SEMA5B: variants seen among roughly 807,000 people sequenced by gnomAD.
The protein encoded by SEMA5B is semaphorin 5B.
In SEMA5B, 66 loss-of-function variants were observed where a neutral mutation model predicts 135.0. The observed-to-expected ratio is 0.49, with a 90% CI of 0.40 to 0.60. The LOEUF (loss-of-function observed/expected upper bound fraction) is 0.60, where lower values mean the gene tolerates loss of function less well. Among genes scored for constraint, SEMA5B ranks in the 20% least tolerant of loss-of-function variants. SEMA5B has a pLI of 0.00. For missense variants in SEMA5B, 1,501 were observed against 1,566.3 expected, an observed-to-expected ratio of 0.96 and a Z score of 0.70; for synonymous variants, 690 against 639.5, an observed-to-expected ratio of 1.08 and a Z score of -1.19.
At chr3:123,015,217 G>A (rs1336745010) in intron 1 of SEMA5B, among the ~76,000 whole-genome samples, 1 of 152,184 alleles carries the variant, frequency 6.6e-6, no homozygotes, top group African/African-American at 2.4e-5. Context: ...AAGCCCCTCA[G>A]TGTGGGGTGT....
At chr3:122,966,116 CCCT>C (rs1345384315) in intron 1 of SEMA5B, among the ~76,000 whole-genome samples, 2 of 152,224 alleles carry the variant, frequency 1.3e-5, no homozygotes, top group Non-Finnish European at 1.5e-5. Flanking sequence ...TTTAGAAGTT[CCCT>C]CCTCCTCCCC....
At chr3:122,970,553 A>G (rs1262557545) in intron 1 of SEMA5B, among the ~76,000 whole-genome samples, 1 of 152,212 alleles carries the variant, frequency 6.6e-6, no homozygotes, top group Non-Finnish European at 1.5e-5. Flanking sequence ...CTTACCTTTT[A>G]GTATTTGCAA....
At chr3:123,026,129 G>A (rs1942792700) in intron 1 of SEMA5B, among the ~76,000 whole-genome samples, 1 of 152,190 alleles carries the variant, frequency 6.6e-6, no homozygotes, top group African/African-American at 2.4e-5. Context: ...TGAGAAAAGC[G>A]GAAGGAGGTC....
intron 3 of SEMA5B, 66 bp downstream of exon 3, chr3:122,948,440 G>C: frequency 7.1e-7 from 1 of 1,398,614 alleles, no homozygotes; most frequent in Non-Finnish European, 9.8e-7. Context: ...ATCCTGCCAA[G>C]GTCTGACCTA....
intron 10 of SEMA5B, 88 bp downstream of exon 10, chr3:122,923,529 G>C: frequency 6.8e-7 from 1 of 1,472,788 alleles, no homozygotes; most frequent in Non-Finnish European, 9.4e-7. Flanking sequence ...GTGTCTGTCT[G>C]TGCTAAGCAG....
At chr3:122,982,355 T>A (rs1407211357) in intron 1 of SEMA5B, among the ~76,000 whole-genome samples, 1 of 152,200 alleles carries the variant, frequency 6.6e-6, no homozygotes, top group African/African-American at 2.4e-5. Flanking sequence ...TAAGATTGGC[T>A]CTAGCCTTGA....
chr3:122,953,182 G>C (rs1296357340), intron 2 of SEMA5B, among the ~76,000 whole-genome samples: 1 of 152,098 alleles, frequency 6.6e-6, no homozygotes, highest in Non-Finnish European at 1.5e-5. Flanking sequence ...GAACAGCCAA[G>C]GTGCCAGGAC....
At chr3:122,974,203 A>G (rs965180653) in intron 1 of SEMA5B, among the ~76,000 whole-genome samples, 1 of 152,160 alleles carries the variant, frequency 6.6e-6, no homozygotes, top group Non-Finnish European at 1.5e-5. Context: ...AAGAACAAGG[A>G]CCAGCACAAA....
intron 5 of SEMA5B, among the ~76,000 whole-genome samples, chr3:122,930,544 T>C (rs1168227722): frequency 6.6e-6 from 1 of 152,242 alleles, no homozygotes; most frequent in Non-Finnish European, 1.5e-5. Context: ...AACATTGCAG[T>C]TGTGCAGGCC....
chr3:123,019,043 A>G (rs998114681), intron 1 of SEMA5B, among the ~76,000 whole-genome samples: 1 of 152,198 alleles, frequency 6.6e-6, no homozygotes, highest in Admixed American at 6.5e-5. Context: ...CTCTACTGCT[A>G]TTTGTACTGA....
intron 1 of SEMA5B, among the ~76,000 whole-genome samples, chr3:123,018,971 G>A (rs536024843): frequency 2.6e-5 from 4 of 152,302 alleles, no homozygotes; most frequent in East Asian, 1.9e-4. Context: ...CCTGGATAAA[G>A]GGATGAGGAC....
chr3:122,910,417 A>G, intron 22 of SEMA5B, 116 bp from the exon 23 acceptor site: 1 of 1,103,790 alleles, frequency 9.1e-7, no homozygotes, highest in Non-Finnish European at 1.3e-6. Context: ...CTGCGGATCC[A>G]GTGCTCTGTT....
chr3:122,997,493 G>C (rs1375960146), intron 1 of SEMA5B, among the ~76,000 whole-genome samples: 1 of 151,644 alleles, frequency 6.6e-6, no homozygotes, highest in Non-Finnish European at 1.5e-5. Flanking sequence ...CTGAGGCCAC[G>C]CTACCTGGCT....
intron 1 of SEMA5B, among the ~76,000 whole-genome samples, chr3:123,018,016 A>G (rs1287930838): frequency 6.6e-6 from 1 of 152,146 alleles, no homozygotes; most frequent in Non-Finnish European, 1.5e-5. Flanking sequence ...GAATTGTTGC[A>G]TTCTTAACGA....
In SEMA5B at chr3:122,912,967, C is replaced by A; in HGVS notation, c.2601G>T (p.Arg867=). Residue 867 remains arginine (R), a synonymous_variant, in exon 18 of 23, where the codon CGG becomes CGT. Transcript: ENST00000357599. ...AAWGPWSSCS[R]DCELGFRVRK... ...GGACGCGGAAGCCCAGCTCGCAGTC[C>A]CGGGAGCAGGACGACCACGGGCCCC... 1 of 1,611,908 alleles carries A rather than the reference C, an allele frequency of 6.2e-7. No homozygotes were observed. Among genetic ancestry groups the A allele is most frequent in the South Asian group, 1.1e-5 (1 of 90,950 alleles).
At chr3:122,971,499 G>A (rs1941111379) in intron 1 of SEMA5B, among the ~76,000 whole-genome samples, 1 of 152,248 alleles carries the variant, frequency 6.6e-6, no homozygotes, top group South Asian at 2.1e-4. Flanking sequence ...TCTGCTTCAG[G>A]TAATTGATCG....
At chr3:123,028,099 AC>A, upstream of SEMA5B, among the ~76,000 whole-genome samples, 1 of 150,242 alleles carries the variant, frequency 6.7e-6, no homozygotes, top group Middle Eastern at 3.4e-3. Flanking sequence ...GTTCTCGGTC[AC>A]CCCATCTCGA....
chr3:123,000,825 G>A (rs543190367), intron 1 of SEMA5B, among the ~76,000 whole-genome samples: 160 of 152,270 alleles, frequency 1.1e-3, no homozygotes, highest in Middle Eastern at 3.4e-3. Flanking sequence ...TGACAATAGG[G>A]TACCCCAGTC....
chr3:122,938,838 C>T (rs1157042063), intron 5 of SEMA5B, among the ~76,000 whole-genome samples: 5 of 152,168 alleles, frequency 3.3e-5, no homozygotes, highest in African/African-American at 4.8e-5. Context: ...TGTTCTGGAC[C>T]AAGGAGTCCC....
Sources: allele counts gnomAD v4.1 joint callset (sites outside exome capture counted in the v4.1 genomes callset), GRCh38; gene constraint gnomAD v4.1.1; transcripts MANE v1.5; gene names NCBI Gene and HGNC (gene_info 2026-07-23, HGNC 2026-07-21).